ZNF681: variants seen among roughly 807,000 people sequenced by gnomAD.
ZNF681 encodes the protein zinc finger protein 681.
A neutral mutation model predicts 56.0 loss-of-function variants in ZNF681; 37 were observed. That is an observed-to-expected ratio of 0.66 (90% CI 0.51 to 0.87). The LOEUF (loss-of-function observed/expected upper bound fraction) is 0.87. ZNF681 is among the 40% of genes least tolerant of loss of function. The probability of loss-of-function intolerance (pLI) is 0.00; values close to 1 mark genes in which losing one functional copy is unlikely to be tolerated. For missense variants in ZNF681, 741 were observed against 744.9 expected, an observed-to-expected ratio of 0.99 and a Z score of 0.06; for synonymous variants, 225 against 248.6, an observed-to-expected ratio of 0.91 and a Z score of 0.89.
Position 23,755,504 on chromosome 19 carries a change from C to T in ZNF681, c.51G>A (p.Glu17=). The T allele has an allele frequency of 6.2e-7, 1 of 1,611,054 alleles. No individual in the cohort carries two copies. The highest frequency in any genetic ancestry group is 8.5e-7 in the Non-Finnish European group (1 of 1,178,414). The change falls in exon 2 of 4, where the codon GAG becomes GAA. Residue 17 remains glutamate, a synonymous_variant. Transcript: ENST00000402377. ...RDVAIEFSLE[E]WQCLDTIQQN... ...GCTGTATAGTGTCCAGGCATTGCCA[C>T]TCCTCCAGAGAGAATTCTATGGCCA...
chr19:23,747,747 CAAA>C (rs1426231482), intron 3 of ZNF681, among the ~76,000 whole-genome samples: 1 of 148,640 alleles, frequency 6.7e-6, no homozygotes, highest in African/African-American at 2.5e-5. Context: ...TGAAAAAGAA[CAAA>C]GAGGTGTTAT....
intron 3 of ZNF681, among the ~76,000 whole-genome samples, chr19:23,748,126 T>C (rs1167001379): frequency 6.6e-6 from 1 of 151,970 alleles, no homozygotes; most frequent in Non-Finnish European, 1.5e-5. Flanking sequence ...TGCATGAGCA[T>C]CAAAGAAAAA....
chr19:23,758,584 G>C (rs946621760), intron 1 of ZNF681, among the ~76,000 whole-genome samples, 163 bp downstream of exon 1: 1 of 152,216 alleles, frequency 6.6e-6, no homozygotes, highest in Non-Finnish European at 1.5e-5. Context: ...AGGACGCCCG[G>C]GGGGCTGGCT....
rs558924968 is a variant in ZNF681 at position 23,742,943 on chromosome 19, T to G, written c.*669A>C. ...AACTTTAGTTTTAGATTCTTTTCTA[T>G]ACTCAGCAATCTGATTTAGTGTAAT... On this transcript the variant is annotated 3_prime_UTR_variant, in exon 4 of 4. Coordinates refer to ENST00000402377, the MANE Select transcript of ZNF681 (RefSeq NM_138286.3). The G allele has an allele frequency of 7.2e-4, 110 of 152,336 alleles. No individual in the cohort carries two copies. The highest frequency in any genetic ancestry group is 2.5e-3 in the African/African-American group (106 of 41,582). 9.4% of individuals were successfully genotyped at this position (152,336 alleles called of 1,614,324 possible). A position where few individuals can be genotyped will look rare whatever the true frequency, so the allele number is the denominator to read the frequency against.
In ZNF681 at chr19:23,755,516, G is replaced by T. The variant is rs1172812322; in HGVS notation, c.39C>A (p.Phe13Leu). ...CCAGGCATTGCCACTCCTCCAGAGA[G>T]AATTCTATGGCCACATCCCTAAATT... is the stretch of plus-strand genomic sequence containing the variant. The part of the protein sequence containing the change: ...PLKFRDVAIE[F>L]SLEEWQCLDT... The change falls in exon 2 of 4, where the codon TTC (phenylalanine) becomes TTA (leucine). Residue 13 changes from phenylalanine (F) to leucine (L), a missense_variant. By Grantham distance (22) the Phe-to-Leu change is conservative (BLOSUM62 0). Transcript: ENST00000402377. 10 of 1,603,446 alleles carry T rather than the reference G, an allele frequency of 6.2e-6. No individual in the cohort carries two copies. Among genetic ancestry groups the T allele is most frequent in the Non-Finnish European group, 6.0e-6 (7 of 1,174,614 alleles).
rs1968849442 is a variant in ZNF681 at position 23,739,207 on chromosome 19, A to G, written c.*4405T>C. 1 of 152,050 alleles carries G rather than the reference A, an allele frequency of 6.6e-6. No homozygotes were observed. The allele number at this position is 152,050 out of a possible 1,614,324, so 9.4% of individuals were successfully genotyped here. On this transcript the variant is annotated 3_prime_UTR_variant, in exon 4 of 4. Transcript: ENST00000402377. ...CAATGGAATACTATTCATCTTTAAA[A>G]TAAAAAAATTTATTATTTTCAATTA... is the stretch of plus-strand genomic sequence containing the variant.
At chr19:23,758,138 C>CTTA (rs1452910009) in intron 1 of ZNF681, among the ~76,000 whole-genome samples, 3 of 152,130 alleles carry the variant, frequency 2.0e-5, no homozygotes, top group Non-Finnish European at 4.4e-5. Context: ...ATTTATTGTA[C>CTTA]CAATTATATG....
intron 3 of ZNF681, among the ~76,000 whole-genome samples, chr19:23,752,958 A>G (rs1385145977): frequency 6.6e-6 from 1 of 152,252 alleles, no homozygotes; most frequent in African/African-American, 2.4e-5. Context: ...TGCTGGTTGC[A>G]GATCATATGA....
At chr19:23,747,332 A>G (rs578212521) in intron 3 of ZNF681, among the ~76,000 whole-genome samples, 1 of 152,226 alleles carries the variant, frequency 6.6e-6, no homozygotes, top group East Asian at 1.9e-4. Context: ...TATATTCAAT[A>G]TAATTTCTAT....
chr19:23,751,181 A>C (rs186116554), intron 3 of ZNF681, among the ~76,000 whole-genome samples: 1 of 151,254 alleles, frequency 6.6e-6, no homozygotes, highest in Admixed American at 6.6e-5. Context: ...TACCATTAAG[A>C]ATTTATCTAA....
intron 3 of ZNF681, among the ~76,000 whole-genome samples, chr19:23,749,113 A>T (rs920909543): frequency 1.3e-5 from 2 of 152,198 alleles, no homozygotes; most frequent in African/African-American, 4.8e-5. Flanking sequence ...TGACTTACAA[A>T]TACATCAAAA....
intron 3 of ZNF681, among the ~76,000 whole-genome samples, chr19:23,750,283 C>CAAAAAAA (rs74175768): frequency 9.5e-5 from 3 of 31,736 alleles, no homozygotes; most frequent in African/African-American, 1.3e-4. Flanking sequence ...GACTCCAACT[C>CAAAAAAA]AAAAAAAAAA....
chr19:23,745,446 C>G, intron 3 of ZNF681, 123 bp from the exon 4 acceptor site: 1 of 741,358 alleles, frequency 1.3e-6, no homozygotes, highest in Non-Finnish European at 1.9e-6. Context: ...ACCAAAGGCC[C>G]TAATTTTTTT....
chr19:23,754,721 G>T (rs1469702175), intron 3 of ZNF681, 102 bp downstream of exon 3: 5 of 966,370 alleles, frequency 5.2e-6, no homozygotes, highest in Admixed American at 2.3e-5. Flanking sequence ...TATTTCCTTT[G>T]GAATACAGCT....
rs1968867413 is a variant in ZNF681, at chr19:23,740,911, G to T, written c.*2701C>A. The stretch of plus-strand genomic sequence containing the variant: ...CTTATATAAAATAAGAGAAAAAAAT[G>T]TAAGACACAAGAAAATTATGGGTCT... On this transcript the variant is annotated 3_prime_UTR_variant, in exon 4 of 4. Transcript: ENST00000402377. 6.6e-6 allele frequency: 1 copy of T among 151,972 alleles called. No individual in the cohort carries two copies. The highest frequency in any genetic ancestry group is 2.4e-5 in the African/African-American group (1 of 41,382). 9.4% of individuals were successfully genotyped at this position (151,972 alleles called of 1,614,324 possible).
chr19:23,756,303 C>A (rs113457248), intron 1 of ZNF681, among the ~76,000 whole-genome samples: 2 of 131,410 alleles, frequency 1.5e-5, no homozygotes, highest in African/African-American at 5.7e-5. Context: ...CCAGCCTGGG[C>A]GACAGAGCGA....
chr19:23,755,860 G>A (rs950557013), intron 1 of ZNF681, among the ~76,000 whole-genome samples: 4 of 152,140 alleles, frequency 2.6e-5, no homozygotes, highest in African/African-American at 9.7e-5. Flanking sequence ...ATGCTGGTGA[G>A]GCTGAGGAGA....
At chr19:23,757,532 AAAC>A (rs1360323290) in intron 1 of ZNF681, among the ~76,000 whole-genome samples, 22 of 152,308 alleles carry the variant, frequency 1.4e-4, no homozygotes, top group Non-Finnish European at 2.4e-4. Flanking sequence ...TAAGAATAGA[AAAC>A]AAGTTGCTAG....
intron 3 of ZNF681, among the ~76,000 whole-genome samples, chr19:23,751,707 A>G (rs12975379): frequency 0.46 from 69,848 of 150,872 alleles, 16,847 homozygotes; most frequent in Non-Finnish European, 0.56. Flanking sequence ...TTTTTTTGAG[A>G]TGGAGTCTTG....
Sources: allele counts gnomAD v4.1 joint callset (sites outside exome capture counted in the v4.1 genomes callset), GRCh38; gene constraint gnomAD v4.1.1; transcripts MANE v1.5; gene names NCBI Gene and HGNC (gene_info 2026-07-23, HGNC 2026-07-21).